EYA1: variants seen among roughly 807,000 people sequenced by gnomAD.
The protein encoded by EYA1 is EYA transcriptional coactivator and phosphatase 1.
A neutral mutation model predicts 82.0 loss-of-function variants in EYA1; 16 were observed. The observed-to-expected ratio is 0.20, with a 90% CI of 0.13 to 0.30. The LOEUF is 0.30. EYA1 is among the 10% of genes least tolerant of loss of function. The pLI is 1.00. For missense variants in EYA1, 633 were observed against 730.7 expected (o/e 0.87, Z 1.54); for synonymous variants, 261 against 264.4 (o/e 0.99, Z 0.12).
chr8:71,219,312 G>A (rs977817166), intron 12 of EYA1, among the ~76,000 whole-genome samples: 8 of 152,096 alleles, frequency 5.3e-5, no homozygotes, highest in Admixed American at 2.6e-4. Flanking sequence ...AGCAAAGTTC[G>A]GAGTAGTGAC....
rs147986749 is a variant in EYA1, at chr8:71,423,011, T to C, written c.34-66500A>G. On this transcript the variant is annotated intron_variant, in intron 2 of 18. Transcript: ENST00000643681. ...TTTAAACTTGGAAACCTGCAGAAAC[T>C]AATCAATGATCACAAAAATAAGAAC... is the stretch of plus-strand genomic sequence containing the variant. Among the ~76,000 whole-genome samples, 244 of 152,282 alleles carry C rather than the reference T, an allele frequency of 1.6e-3. 3 individuals are homozygous for C. The East Asian group carries it at 0.033, about 20-fold the overall frequency.
intron 9 of EYA1, among the ~76,000 whole-genome samples, chr8:71,290,744 G>T (rs1018025036): frequency 6.6e-5 from 10 of 151,768 alleles, no homozygotes; most frequent in Non-Finnish European, 1.3e-4. Flanking sequence ...AAAACAAAGA[G>T]TGAACTTTAT....
At chr8:71,446,251 C>G (rs949888997) in intron 2 of EYA1, among the ~76,000 whole-genome samples, 11 of 151,954 alleles carry the variant, frequency 7.2e-5, no homozygotes, top group Non-Finnish European at 1.5e-4. Flanking sequence ...GAGGGCGGGT[C>G]CTGGTAGGAG....
chr8:71,467,166 A>T (rs1808836080), intron 2 of EYA1, among the ~76,000 whole-genome samples: 2 of 151,948 alleles, frequency 1.3e-5, no homozygotes, highest in Non-Finnish European at 2.9e-5. Flanking sequence ...CCTATGTTAA[A>T]ATATATATAT....
intron 2 of EYA1, chr8:71,529,834 T>A (rs1357525517): frequency 6.6e-6 from 1 of 152,180 alleles, no homozygotes; most frequent in Non-Finnish European, 1.5e-5. Flanking sequence ...ATTACCTGAA[T>A]TCCCCAGATG....
intron 1 of EYA1, among the ~76,000 whole-genome samples, chr8:71,539,034 G>A (rs1252254721): frequency 6.6e-6 from 1 of 152,030 alleles, no homozygotes; most frequent in East Asian, 1.9e-4. Context: ...CCTTGGAGTT[G>A]TACACAGTGG....
chr8:71,331,246 AC>A (rs1421457591), intron 4 of EYA1, among the ~76,000 whole-genome samples: 8 of 23,118 alleles, frequency 3.5e-4, no homozygotes, highest in East Asian at 0.016. Context: ...ATAAATAAAT[AC>A]ACACACACAC....
At chr8:71,390,450 A>G (rs1011646552) in intron 2 of EYA1, among the ~76,000 whole-genome samples, 10 of 151,978 alleles carry the variant, frequency 6.6e-5, no homozygotes, top group African/African-American at 2.4e-4. Context: ...TTTTGTGGAG[A>G]TGGGATCTTG....
intron 2 of EYA1, among the ~76,000 whole-genome samples, chr8:71,411,686 C>T (rs1047066116): frequency 2.9e-4 from 44 of 149,602 alleles, no homozygotes; most frequent in Non-Finnish European, 6.4e-4. Context: ...GAGATATCAT[C>T]TCACACCAGT....
At chr8:71,404,992 A>G (rs1830143172) in intron 2 of EYA1, 1 of 152,006 alleles carries the variant, frequency 6.6e-6, no homozygotes, top group Non-Finnish European at 1.5e-5. Context: ...CTTATTTTAC[A>G]TAGCCACAGC....
chr8:71,422,152 C>T (rs1831180364), intron 2 of EYA1, among the ~76,000 whole-genome samples: 1 of 152,122 alleles, frequency 6.6e-6, no homozygotes, highest in Non-Finnish European at 1.5e-5. Flanking sequence ...TCTGATACCT[C>T]TGAAAAAAAT....
At chr8:71,356,395 G>T in intron 2 of EYA1, 67 bp downstream of exon 2, 1 of 1,364,550 alleles carries the variant, frequency 7.3e-7, no homozygotes. Context: ...AGAAACACTA[G>T]ACAAAAATAG....
chr8:71,321,948 A>G (rs1162452685), intron 5 of EYA1, 69 bp from the exon 6 acceptor site: 1 of 1,585,966 alleles, frequency 6.3e-7, no homozygotes, highest in Admixed American at 1.7e-5. Context: ...CCGATTAACA[A>G]CCACATCACA....
chr8:71,538,654 A>G (rs2129289899), intron 1 of EYA1, among the ~76,000 whole-genome samples: 1 of 152,330 alleles, frequency 6.6e-6, no homozygotes, highest in African/African-American at 2.4e-5. Context: ...AAACATATAT[A>G]GAGGTGAACT....
At position 71,485,336 on chromosome 8, in the gene EYA1, T is replaced by C. The variant is rs546299581; in HGVS notation, c.33+50408A>G. Among the ~76,000 whole-genome samples the C allele has an allele frequency of 3.9e-5, 6 of 152,348 alleles. No homozygotes were observed. The East Asian group carries it at 7.7e-4, about 20-fold the overall frequency. On this transcript the variant is annotated intron_variant, in intron 2 of 18. Coordinates refer to the EYA1 transcript ENST00000643681. ...TTTTTCTTTCATATTTTGAGACATA[T>C]GTCTTTTCACTGAAAAAAATAAATC...
At chr8:71,274,914 G>T (rs960593763) in intron 9 of EYA1, among the ~76,000 whole-genome samples, 1 of 151,432 alleles carries the variant, frequency 6.6e-6, no homozygotes, top group Non-Finnish European at 1.5e-5. Flanking sequence ...GAGCGAGCGA[G>T]AGAGAGAGAA....
intron 11 of EYA1, among the ~76,000 whole-genome samples, chr8:71,253,024 A>G (rs996332387): frequency 1.3e-5 from 2 of 152,332 alleles, no homozygotes; most frequent in Admixed American, 6.5e-5. Context: ...ATTGACATAG[A>G]GTCCAAATTT....
At chr8:71,351,289 C>T (rs79125986) in intron 3 of EYA1, among the ~76,000 whole-genome samples, 2,025 of 152,238 alleles carry the variant, frequency 0.013, 45 homozygotes, top group African/African-American at 0.045. Flanking sequence ...TAGTGTCTTC[C>T]AGGTCAAGCT....
intron 2 of EYA1, among the ~76,000 whole-genome samples, chr8:71,381,639 C>T (rs1005221684): frequency 6.6e-6 from 1 of 152,180 alleles, no homozygotes; most frequent in Admixed American, 6.5e-5. Context: ...ACAGTATGAG[C>T]CAAAAAGTAA....
Sources: allele counts gnomAD v4.1 joint callset (sites outside exome capture counted in the v4.1 genomes callset), GRCh38; gene constraint gnomAD v4.1.1; transcripts MANE v1.5; gene names NCBI Gene and HGNC (gene_info 2026-07-23, HGNC 2026-07-21).